ABTB3: variants seen among roughly 807,000 people sequenced by gnomAD.
ABTB3 encodes the protein ankyrin repeat- and BTB/POZ domain-containing protein 3.
chr12:107,329,473 G>A, the ABTB3 span, among the ~76,000 whole-genome samples: 5 of 152,348 alleles, frequency 3.3e-5, no homozygotes, highest in African/African-American at 1.2e-4. Context: ...CTCAATATCT[G>A]TTAATAATCA....
the ABTB3 span, among the ~76,000 whole-genome samples, chr12:107,467,018 T>C: frequency 6.6e-6 from 1 of 152,138 alleles, no homozygotes; most frequent in South Asian, 2.1e-4. Context: ...GATTGTCTAT[T>C]GTAGTGTCTA....
chr12:107,582,673 C>CAGAT, the ABTB3 span, among the ~76,000 whole-genome samples: 1 of 152,230 alleles, frequency 6.6e-6, no homozygotes, highest in Non-Finnish European at 1.5e-5. Flanking sequence ...TCCCATTTTA[C>CAGAT]AGATTGGGAA....
At chr12:107,511,698 G>A in the ABTB3 span, among the ~76,000 whole-genome samples, 8 of 152,266 alleles carry the variant, frequency 5.3e-5, 1 homozygote, top group Non-Finnish European at 1.0e-4. Flanking sequence ...AAGATTTAAT[G>A]GATGGGCAAA....
the ABTB3 span, among the ~76,000 whole-genome samples, chr12:107,632,210 G>A: frequency 3.3e-5 from 5 of 152,074 alleles, no homozygotes; most frequent in East Asian, 9.7e-4. Context: ...CCTGAATCGA[G>A]TTAAACCACC....
the ABTB3 span, among the ~76,000 whole-genome samples, chr12:107,421,734 T>C: frequency 1.4e-4 from 22 of 152,176 alleles, no homozygotes; most frequent in Non-Finnish European, 5.9e-5. Flanking sequence ...CCCTGCGCCT[T>C]CCACTTCGGC....
the ABTB3 span, among the ~76,000 whole-genome samples, chr12:107,513,555 G>T: frequency 6.6e-6 from 1 of 152,096 alleles, no homozygotes; most frequent in Non-Finnish European, 1.5e-5. Context: ...GTTTCCTGAG[G>T]CCTCCCCAGC....
chr12:107,372,513 AG>A, the ABTB3 span, among the ~76,000 whole-genome samples: 1 of 152,184 alleles, frequency 6.6e-6, no homozygotes, highest in Non-Finnish European at 1.5e-5. Context: ...TGCGTCCTCA[AG>A]AAGTGTATTA....
At chr12:107,418,290 C>G in the ABTB3 span, among the ~76,000 whole-genome samples, 6 of 152,238 alleles carry the variant, frequency 3.9e-5, no homozygotes, top group African/African-American at 1.2e-4. Flanking sequence ...ATATCAGACT[C>G]CAAGTTCTTC....
the ABTB3 span, among the ~76,000 whole-genome samples, chr12:107,475,248 G>A: frequency 6.6e-6 from 1 of 152,190 alleles, no homozygotes; most frequent in African/African-American, 2.4e-5. Flanking sequence ...TCATGGGTTC[G>A]TGGCAGAGAC....
At chr12:107,437,002 A>G in the ABTB3 span, among the ~76,000 whole-genome samples, 1 of 151,994 alleles carries the variant, frequency 6.6e-6, no homozygotes. Flanking sequence ...GTCATGCAGA[A>G]TTTTACCTCT....
the ABTB3 span, among the ~76,000 whole-genome samples, chr12:107,407,499 G>A: frequency 1.9e-4 from 29 of 152,228 alleles, no homozygotes; most frequent in African/African-American, 6.8e-4. Flanking sequence ...GCAGCTACCA[G>A]GGGACACGCT....
chr12:107,580,624 T>C, the ABTB3 span: 2 of 294,428 alleles, frequency 6.8e-6, no homozygotes, highest in Non-Finnish European at 6.3e-6. Flanking sequence ...TTTGGCAGCA[T>C]GTTGCCTGGG....
At chr12:107,469,968 CTTT>C in the ABTB3 span, among the ~76,000 whole-genome samples, 6 of 74,530 alleles carry the variant, frequency 8.1e-5, 2 homozygotes, top group African/African-American at 5.2e-4. Flanking sequence ...TTCTTTCTTT[CTTT>C]CTTTCTTTCT....
At chr12:107,523,271 G>C in the ABTB3 span, among the ~76,000 whole-genome samples, 2 of 152,162 alleles carry the variant, frequency 1.3e-5, no homozygotes, top group Admixed American at 6.5e-5. Flanking sequence ...GGCCACTAGA[G>C]AGCTACTTTC....
the ABTB3 span, among the ~76,000 whole-genome samples, chr12:107,544,361 G>T: frequency 8.4e-4 from 128 of 152,262 alleles, 1 homozygote; most frequent in African/African-American, 3.0e-3. Context: ...GATAAAACTG[G>T]CCTATGTCAG....
chr12:107,481,560 G>C, the ABTB3 span, among the ~76,000 whole-genome samples: 4 of 152,124 alleles, frequency 2.6e-5, no homozygotes, highest in Non-Finnish European at 2.9e-5. Flanking sequence ...CCCATATTTA[G>C]AGAAGAAGGC....
the ABTB3 span, among the ~76,000 whole-genome samples, chr12:107,555,235 G>A: frequency 5.3e-5 from 8 of 152,318 alleles, no homozygotes; most frequent in African/African-American, 1.9e-4. Flanking sequence ...TTAGATAGGT[G>A]TCCTCCCTGG....
the ABTB3 span, chr12:107,544,185 C>CA: frequency 4.9e-4 from 777 of 1,577,146 alleles, no homozygotes; most frequent in Middle Eastern, 6.7e-4. Flanking sequence ...GTACTGCCTC[C>CA]AGGGTGGGGC....
the ABTB3 span, among the ~76,000 whole-genome samples, chr12:107,333,786 G>A: frequency 3.3e-5 from 5 of 152,162 alleles, no homozygotes; most frequent in Non-Finnish European, 5.9e-5. Flanking sequence ...GAGACCCTAT[G>A]TACTAAACAC....
Sources: gnomAD v4.1 joint callset for allele counts (sites outside exome capture counted in the v4.1 genomes callset) on GRCh38, gnomAD v4.1.1 for gene constraint, MANE v1.5 for transcripts, NCBI Gene and HGNC (gene_info 2026-07-23, HGNC 2026-07-21) for gene names.